Variants in COL6A6 observed in about 807,000 individuals in gnomAD.
COL6A6 encodes the protein collagen type VI alpha 6 chain.
COL6A6 carries 183 observed loss-of-function variants against 208.6 expected under a neutral mutation model. That is an observed-to-expected ratio of 0.88 (90% CI 0.78 to 0.99). The LOEUF is 0.99. Ranked by LOEUF, COL6A6 falls within the 50% of genes least tolerant of loss-of-function variation. The pLI is 0.00. For missense variants in COL6A6, 2,816 were observed against 2,815.2 expected (o/e 1.00, Z -0.01); for synonymous variants, 973 against 1,011.8 (o/e 0.96, Z 0.73).
chr3:130,611,260 G>A (rs542833768), intron 23 of COL6A6, among the ~76,000 whole-genome samples: 1 of 152,262 alleles, frequency 6.6e-6, no homozygotes, highest in South Asian at 2.1e-4. Flanking sequence ...CCCCTAGAGG[G>A]GATTGTTAAC....
Position 130,567,129 on chromosome 3 carries a change from C to G in COL6A6, c.1710C>G (p.Ile570Met). The G allele has an allele frequency of 6.2e-7, 1 of 1,613,928 alleles. No homozygotes were observed. Among genetic ancestry groups the G allele is most frequent in the South Asian group, 1.1e-5 (1 of 91,070 alleles). Residue 570 changes from isoleucine (I) to methionine (M), a missense_variant, in exon 5 of 37, where the codon ATC becomes ATG. Ile to Met is a conservative substitution (Grantham distance 10). Coordinates refer to ENST00000358511, the MANE Select transcript of COL6A6 (RefSeq NM_001102608.3). ...AAGAGCACATCCGAGTTTATGCTAT[C>G]GGGATCAAGGAGGCCAACCAAACAC... ...LREEHIRVYA[I>M]GIKEANQTQL...
intron 8 of COL6A6, among the ~76,000 whole-genome samples, chr3:130,581,282 C>G (rs1577775888): frequency 6.6e-6 from 1 of 152,110 alleles, no homozygotes; most frequent in East Asian, 1.9e-4. Flanking sequence ...TTAAATGATT[C>G]TGCATGACTT....
Position 130,661,741 on chromosome 3 carries a change from G to C in COL6A6, c.5935G>C (p.Ala1979Pro). Residue 1979 changes from alanine (A) to proline (P), a missense_variant, in exon 35 of 37, where the codon GCT becomes CCT. Transcript: ENST00000358511. ...GGATGCCTCCCGGAACATGGGAAGT[G>C]CTGAATTTGAAGACATAAGAGCCTT... ...LLDASRNMGSAEFEDIRAFLG... is the reference protein window; with the variant it reads ...LLDASRNMGSPEFEDIRAFLG... 6.2e-7 allele frequency: 1 copy of C among 1,613,918 alleles called. No homozygotes were observed. Among genetic ancestry groups the C allele is most frequent in the Middle Eastern group, 1.6e-4 (1 of 6,062 alleles).
At position 130,566,874 on chromosome 3, in the gene COL6A6, C is replaced by G; in HGVS notation, c.1455C>G (p.Asp485Glu). Residue 485 changes from aspartate (D) to glutamate (E), a missense_variant, in exon 5 of 37, where the codon GAC (aspartate) becomes GAG (glutamate). Coordinates refer to ENST00000358511, the MANE Select transcript of COL6A6 (RefSeq NM_001102608.3). ...CCGTTCAGTATGCTGACAGCTGGGA[C>G]TTGGAATTTGAGATCAATAAATACT... is the stretch of plus-strand genomic sequence containing the variant. ...VGAVQYADSW[D>E]LEFEINKYSN... is the part of the protein sequence containing the mutation. The G allele has an allele frequency of 3.1e-6, 5 of 1,613,948 alleles. No individual in the cohort carries two copies. The highest frequency in any genetic ancestry group is 4.2e-6 in the Non-Finnish European group (5 of 1,179,884).
At chr3:130,622,692 C>T (rs1275332778) in intron 24 of COL6A6, among the ~76,000 whole-genome samples, 1 of 151,748 alleles carries the variant, frequency 6.6e-6, no homozygotes, top group Non-Finnish European at 1.5e-5. Flanking sequence ...CCCATCTCTA[C>T]TAAAAATTCA....
At chr3:130,518,412 G>A (rs765281373) in intron 1 of COL6A6, among the ~76,000 whole-genome samples, 81 of 152,256 alleles carry the variant, frequency 5.3e-4, no homozygotes, top group Non-Finnish European at 6.3e-4. Flanking sequence ...CTTCATAGAG[G>A]AAGTCACTTA....
At chr3:130,582,644 A>G (rs77254791) in intron 10 of COL6A6, among the ~76,000 whole-genome samples, 2 of 152,192 alleles carry the variant, frequency 1.3e-5, no homozygotes, top group East Asian at 3.9e-4. Flanking sequence ...GAACATGTGG[A>G]TGTTCTTGTT....
rs1380156342 is a variant in COL6A6, at chr3:130,565,435, A to G, written c.1103A>G (p.Glu368Gly). The change falls in exon 4 of 37, where the codon GAG becomes GGG. Residue 368 changes from glutamate (E) to glycine (G), a missense_variant. Transcript: ENST00000358511. ...GTGACCATCTTCACCCTGGGCATAGAGGGCGCCAGCGACACCCAGTTGGAA... is the reference window on the plus strand; with the variant it reads ...GTGACCATCTTCACCCTGGGCATAGGGGGCGCCAGCGACACCCAGTTGGAA... ...EGVTIFTLGI[E>G]GASDTQLEKI... 1.2e-6 allele frequency: 2 copies of G among 1,613,896 alleles called. No homozygotes were observed. The highest frequency in any genetic ancestry group is 1.3e-5 in the African/African-American group (1 of 75,034).
At chr3:130,573,865 G>A (rs541554671) in intron 7 of COL6A6, 91 bp from the exon 8 acceptor site, 9 of 938,122 alleles carry the variant, frequency 9.6e-6, no homozygotes, top group Admixed American at 2.4e-5. Context: ...CACCGCGCCC[G>A]GCCTATAGCT....
At chr3:130,634,943 T>C (rs1392020606) in intron 27 of COL6A6, among the ~76,000 whole-genome samples, 1 of 152,140 alleles carries the variant, frequency 6.6e-6, no homozygotes, top group African/African-American at 2.4e-5. Context: ...GAAAGAAAAG[T>C]ATAATGTAAG....
intron 27 of COL6A6, 34 bp from the exon 28 acceptor site, chr3:130,635,665 T>G: frequency 7.1e-7 from 1 of 1,412,276 alleles, no homozygotes; most frequent in East Asian, 2.4e-5. Context: ...ATGTTTGATT[T>G]TAATAACTAT....
At position 130,628,799 on chromosome 3, in the gene COL6A6, ATTTCT is replaced by A; in HGVS notation, c.4992+1431_4992+1435del. The stretch of plus-strand genomic sequence containing the variant: ...TGCGTGAGCGACGCAGAAGACGGTG[ATTTCT>A]GCATTTCCATCTGAGACCTGCAGCT... On this transcript the variant is annotated intron_variant, in intron 26 of 36. Transcript: ENST00000358511. Among the ~76,000 whole-genome samples the A allele has an allele frequency of 4.5e-5, 3 of 66,742 alleles. No individual in the cohort carries two copies. The South Asian group carries it at 1.3e-3, about 29-fold the overall frequency. 43.8% of individuals were successfully genotyped at this position (66,742 alleles called of 152,430 possible).
At chr3:130,660,564 C>T (rs1241340300) in intron 34 of COL6A6, among the ~76,000 whole-genome samples, 4 of 152,240 alleles carry the variant, frequency 2.6e-5, no homozygotes, top group Non-Finnish European at 4.4e-5. Context: ...TCATCCTCAA[C>T]CATCAACTAC....
At chr3:130,671,556 A>G (rs1015147390) in intron 36 of COL6A6, among the ~76,000 whole-genome samples, 1 of 152,230 alleles carries the variant, frequency 6.6e-6, no homozygotes, top group African/African-American at 2.4e-5. Context: ...GTTATGAGCC[A>G]CACAGCTGCT....
chr3:130,662,205 C>G lies in COL6A6; in HGVS notation c.6399C>G (p.Ala2133=), dbSNP rs773036123. The G allele has an allele frequency of 6.2e-7, 1 of 1,614,004 alleles. No homozygotes were observed. The highest frequency in any genetic ancestry group is 8.5e-7 in the Non-Finnish European group (1 of 1,179,888). The change falls in exon 35 of 37, where the codon GCC becomes GCG. Residue 2133 remains alanine, a synonymous_variant. Coordinates refer to ENST00000358511, the MANE Select transcript of COL6A6 (RefSeq NM_001102608.3). ...ATGACAAGGAACTGGAGGATCTCGC[C>G]AGCCACCCTTTGGATCACCACCTGG... is the stretch of plus-strand genomic sequence containing the variant. ...IWDDKELEDL[A]SHPLDHHLVQ...
chr3:130,587,869 C>CT (rs1162096889), intron 11 of COL6A6, among the ~76,000 whole-genome samples: 2 of 152,036 alleles, frequency 1.3e-5, no homozygotes, highest in Non-Finnish European at 2.9e-5. Flanking sequence ...CAAAATGTGT[C>CT]TTTTTTTCCT....
In COL6A6 at chr3:130,568,326, T is replaced by A. The variant is rs200073173; in HGVS notation, c.2123T>A (p.Val708Glu). 7 of 1,614,028 alleles carry A rather than the reference T, an allele frequency of 4.3e-6. No homozygotes were observed. Among genetic ancestry groups the A allele is most frequent in the Non-Finnish European group, 5.1e-6 (6 of 1,179,902 alleles). ...TTLTGSALSF[V>E]SQYFSPTKGA... ...CTGACTGGTAGTGCCCTGAGCTTTG[T>A]GTCTCAGTACTTCAGCCCCACCAAG... The change falls in exon 6 of 37, where the codon GTG (valine) becomes GAG (glutamate). Residue 708 changes from valine to glutamate, a missense_variant. Val to Glu is a moderately radical substitution (Grantham distance 121, BLOSUM62 -2). Transcript: ENST00000358511.
At position 130,581,881 on chromosome 3, in the gene COL6A6, A is replaced by G; in HGVS notation, c.3868A>G (p.Asn1290Asp). 1 of 1,608,388 alleles carries G rather than the reference A, an allele frequency of 6.2e-7. No homozygotes were observed. Among genetic ancestry groups the G allele is most frequent in the African/African-American group, 1.3e-5 (1 of 74,860 alleles). Residue 1290 changes from asparagine (N) to aspartate (D), a missense_variant, in exon 9 of 37, where the codon AAT becomes GAT. By Grantham distance (23) the Asn-to-Asp change is conservative. Transcript: ENST00000358511. ...GGATTCTCTATGGGATACATTTCAG[A>G]ATAAATCAGCTGCTCGAGGAAAGGT... The part of the protein sequence containing the change: ...LLDSLWDTFQ[N>D]KSAARGKVVL...
Position 130,565,216 on chromosome 3 carries a change from A to G in COL6A6, c.884A>G (p.His295Arg), listed in dbSNP as rs754722200. 2 of 1,614,048 alleles carry G rather than the reference A, an allele frequency of 1.2e-6. No individual in the cohort carries two copies. The highest frequency in any genetic ancestry group is 1.7e-6 in the Non-Finnish European group (2 of 1,179,890). The change falls in exon 4 of 37, where the codon CAT (histidine) becomes CGT (arginine). Residue 295 changes from histidine (H) to arginine (R), a missense_variant. Transcript: ENST00000358511. ...ATAAATAAGTCAGAGGTTCTCCAGC[A>G]TATACAGAACCTTTCTCCCCGAACT... Reference protein sequence around the residue: ...MGINKSEVLQHIQNLSPRTGK... With the variant: ...MGINKSEVLQRIQNLSPRTGK...
Sources: gnomAD v4.1 joint callset for allele counts (sites outside exome capture counted in the v4.1 genomes callset) on GRCh38, gnomAD v4.1.1 for gene constraint, MANE v1.5 for transcripts, NCBI Gene and HGNC (gene_info 2026-07-23, HGNC 2026-07-21) for gene names.